The following PCSK2 variants were observed in gnomAD, a reference collection of about 807,000 sequenced individuals.
PCSK2 encodes proprotein convertase subtilisin/kexin type 2.
A neutral mutation model predicts 69.7 loss-of-function variants in PCSK2; 14 were observed. That is an observed-to-expected ratio of 0.20 (90% CI 0.13 to 0.31). The LOEUF is 0.31. Among genes scored for constraint, PCSK2 ranks in the 10% least tolerant of loss-of-function variants. The pLI is 1.00. For missense variants in PCSK2, 544 were observed against 842.5 expected (o/e 0.65, Z 4.39); for synonymous variants, 307 against 320.7 (o/e 0.96, Z 0.46).
chr20:17,339,425 A>T (rs144993744), intron 2 of PCSK2, among the ~76,000 whole-genome samples: 1 of 152,068 alleles, frequency 6.6e-6, no homozygotes, highest in Non-Finnish European at 1.5e-5. Flanking sequence ...ACATTTCCTC[A>T]TTGGCTTTGG....
At chr20:17,409,974 G>T (rs2031833770) in intron 6 of PCSK2, among the ~76,000 whole-genome samples, 1 of 152,182 alleles carries the variant, frequency 6.6e-6, no homozygotes, top group Non-Finnish European at 1.5e-5. Flanking sequence ...GAGATATGAA[G>T]AAATAAAGAT....
At chr20:17,358,520 C>A in intron 3 of PCSK2, 80 bp downstream of exon 3, 1 of 809,418 alleles carries the variant, frequency 1.2e-6, no homozygotes, top group Admixed American at 1.9e-5. Context: ...CCTCATTATT[C>A]ACTAGGATGT....
chr20:17,306,344 A>G (rs1989327596), intron 2 of PCSK2, among the ~76,000 whole-genome samples: 1 of 152,176 alleles, frequency 6.6e-6, no homozygotes, highest in African/African-American at 2.4e-5. Context: ...GCATAAAAAT[A>G]AGCCCTTCGG....
chr20:17,370,259 A>G (rs1044413105), intron 5 of PCSK2, among the ~76,000 whole-genome samples: 2 of 152,192 alleles, frequency 1.3e-5, no homozygotes, highest in Non-Finnish European at 2.9e-5. Context: ...GCTTGCATAA[A>G]AGAAAGGATG....
rs76196697 is a variant in PCSK2 at position 17,430,637 on chromosome 20, C to T, written c.709+1114C>T. 5.9e-3 allele frequency among the ~76,000 whole-genome samples: 894 copies of T among 152,290 alleles called. 10 individuals are homozygous for T. The highest frequency in any genetic ancestry group is 0.02 in the African/African-American group (824 of 41,560). The stretch of plus-strand genomic sequence containing the variant: ...GAGGCTTAGCCCCTGGGTTTCAGCT[C>T]TCTTTACTTTGTGCACATCCAAAAT... On this transcript the variant is annotated intron_variant, in intron 7 of 11. Transcript: ENST00000262545.
chr20:17,294,098 CTTTT>C (rs34805695), intron 2 of PCSK2, among the ~76,000 whole-genome samples: 2 of 73,958 alleles, frequency 2.7e-5, no homozygotes, highest in African/African-American at 5.3e-5. Context: ...AAAGTATTTT[CTTTT>C]TTTTTTTTTT....
chr20:17,288,809 G>A (rs1988603400), intron 2 of PCSK2, among the ~76,000 whole-genome samples: 1 of 152,180 alleles, frequency 6.6e-6, no homozygotes, highest in African/African-American at 2.4e-5. Flanking sequence ...AGAATCGTGA[G>A]AAAATAAATT....
At chr20:17,462,381 T>C (rs1053289309) in intron 10 of PCSK2, among the ~76,000 whole-genome samples, 1 of 152,154 alleles carries the variant, frequency 6.6e-6, no homozygotes, top group African/African-American at 2.4e-5. Context: ...ATCATTTGGA[T>C]TAAATGCAAA....
In PCSK2 at chr20:17,365,303, C is replaced by T. The variant is rs181817001; in HGVS notation, c.506-3937C>T. 2.5e-3 allele frequency among the ~76,000 whole-genome samples: 381 copies of T among 152,202 alleles called. 4 individuals are homozygous for T. Among genetic ancestry groups the T allele is most frequent in the African/African-American group, 8.7e-3 (363 of 41,534 alleles). On this transcript the variant is annotated intron_variant, in intron 4 of 11. Coordinates refer to ENST00000262545, the MANE Select transcript of PCSK2 (RefSeq NM_002594.5). ...AAGCCCTTTTATAAAAGTACGAACC[C>T]CATTCATGAAGGCACAGCCCTCAAA...
chr20:17,434,805 A>G (rs1410083714), intron 7 of PCSK2, among the ~76,000 whole-genome samples: 2 of 152,246 alleles, frequency 1.3e-5, no homozygotes, highest in Non-Finnish European at 2.9e-5. Context: ...CATCTGAGCA[A>G]GTGAACGCCA....
At chr20:17,353,306 CA>C (rs1001799908) in intron 2 of PCSK2, among the ~76,000 whole-genome samples, 105 of 140,336 alleles carry the variant, frequency 7.5e-4, no homozygotes, top group Middle Eastern at 3.7e-3. Context: ...AAAAAAAATA[CA>C]AAAAAAAATT....
At chr20:17,339,709 G>A (rs1345329529) in intron 2 of PCSK2, among the ~76,000 whole-genome samples, 4 of 152,078 alleles carry the variant, frequency 2.6e-5, no homozygotes, top group Non-Finnish European at 4.4e-5. Flanking sequence ...TGTTTTCCAG[G>A]AATATTGTTA....
At chr20:17,391,642 T>G (rs1450733592) in intron 5 of PCSK2, among the ~76,000 whole-genome samples, 2 of 152,246 alleles carry the variant, frequency 1.3e-5, no homozygotes, top group East Asian at 3.9e-4. Context: ...GTAGCTCTTA[T>G]TCTCCCAAAT....
intron 1 of PCSK2, among the ~76,000 whole-genome samples, chr20:17,253,131 A>G (rs1489692714): frequency 6.6e-6 from 1 of 152,212 alleles, no homozygotes; most frequent in Non-Finnish European, 1.5e-5. Flanking sequence ...TATATCCTAC[A>G]GGAAAACTCT....
chr20:17,376,825 G>A (rs529313942), intron 5 of PCSK2, among the ~76,000 whole-genome samples: 12 of 152,206 alleles, frequency 7.9e-5, no homozygotes, highest in Non-Finnish European at 1.5e-4. Context: ...ACAGTGTTAA[G>A]CAAGCACTTA....
chr20:17,280,245 C>T (rs1042894423), intron 2 of PCSK2, among the ~76,000 whole-genome samples: 4 of 152,166 alleles, frequency 2.6e-5, no homozygotes, highest in Non-Finnish European at 1.5e-5. Context: ...CTTATAAGTA[C>T]ACACATATTG....
At chr20:17,405,700 G>A (rs1449688119) in intron 5 of PCSK2, among the ~76,000 whole-genome samples, 1 of 152,226 alleles carries the variant, frequency 6.6e-6, no homozygotes, top group Non-Finnish European at 1.5e-5. Context: ...AGCTAAGAGC[G>A]AGTCTCATCT....
intron 11 of PCSK2, among the ~76,000 whole-genome samples, chr20:17,476,580 T>C (rs1425975118): frequency 6.6e-6 from 1 of 152,190 alleles, no homozygotes; most frequent in African/African-American, 2.4e-5. Context: ...TATACACATA[T>C]AGACACGTTA....
At chr20:17,292,320 TA>T (rs1421632504) in intron 2 of PCSK2, among the ~76,000 whole-genome samples, 3 of 146,902 alleles carry the variant, frequency 2.0e-5, no homozygotes, top group African/African-American at 7.3e-5. Context: ...AGAAAGGCCT[TA>T]AAGATCTGCC....
Sources: gnomAD v4.1 joint callset for allele counts (sites outside exome capture counted in the v4.1 genomes callset) on GRCh38, gnomAD v4.1.1 for gene constraint, MANE v1.5 for transcripts, NCBI Gene and HGNC (gene_info 2026-07-23, HGNC 2026-07-21) for gene names.